The following STK39 variants were observed in gnomAD, a reference collection of about 807,000 sequenced individuals.
STK39 encodes the protein serine/threonine kinase 39, also known as STE20/SPS1-related proline-alanine-rich protein kinase.
Under a neutral mutation model 77.8 loss-of-function variants are expected in STK39, and 20 were observed. That is an observed-to-expected ratio of 0.26 (90% CI 0.18 to 0.37). The LOEUF is 0.37. Among genes scored for constraint, STK39 ranks in the 10% least tolerant of loss-of-function variants. The pLI is 1.00. For synonymous variants in STK39, 246 were observed against 234.1 expected, an observed-to-expected ratio of 1.05 and a Z score of -0.47; for missense variants, 479 against 656.5, an observed-to-expected ratio of 0.73 and a Z score of 2.95.
intron 1 of STK39, among the ~76,000 whole-genome samples, chr2:168,191,629 T>A (rs182205103): frequency 1.3e-5 from 2 of 152,322 alleles, no homozygotes; most frequent in Admixed American, 1.3e-4. Flanking sequence ...TTTAATTAGC[T>A]TCTCCAGCAA....
chr2:167,966,949 T>C (rs1692174828), intron 16 of STK39, among the ~76,000 whole-genome samples: 1 of 152,218 alleles, frequency 6.6e-6, no homozygotes, highest in Admixed American at 6.5e-5. Flanking sequence ...CCAGTAGCAA[T>C]GCTCATTAAA....
chr2:168,235,743 T>C (rs1690587435), intron 1 of STK39, among the ~76,000 whole-genome samples: 1 of 151,862 alleles, frequency 6.6e-6, no homozygotes, highest in Non-Finnish European at 1.5e-5. Flanking sequence ...CTGAGAATGA[T>C]GGTTTCCAGC....
chr2:168,162,308 A>T (rs28377341), intron 4 of STK39, among the ~76,000 whole-genome samples: 15,610 of 146,264 alleles, frequency 0.11, 1,806 homozygotes, highest in East Asian at 0.32. Context: ...AAAAAAAAAA[A>T]AAAAGGTATA....
intron 14 of STK39, among the ~76,000 whole-genome samples, chr2:168,022,597 T>C (rs1169943026): frequency 1.3e-5 from 2 of 152,270 alleles, no homozygotes; most frequent in African/African-American, 4.8e-5. Context: ...TCCATAGTTT[T>C]AATTGTTGAT....
At chr2:168,017,213 G>A in intron 14 of STK39, 118 bp from the exon 15 acceptor site, 1 of 521,052 alleles carries the variant, frequency 1.9e-6, no homozygotes, top group Non-Finnish European at 3.2e-6. Flanking sequence ...ACAGTTTGAG[G>A]TTACCTCCAA....
At chr2:167,964,086 A>C (rs552240857) in intron 17 of STK39, among the ~76,000 whole-genome samples, 7 of 152,326 alleles carry the variant, frequency 4.6e-5, no homozygotes, top group African/African-American at 1.7e-4. Context: ...CTCTGTGGCC[A>C]CCTAGTACTT....
intron 2 of STK39, among the ~76,000 whole-genome samples, chr2:168,168,856 G>C (rs900665783): frequency 1.3e-5 from 2 of 152,092 alleles, no homozygotes; most frequent in Admixed American, 6.5e-5. Flanking sequence ...GGTGGTGTGC[G>C]CCTGTAGTCC....
At chr2:168,244,989 A>G (rs754479579) in intron 1 of STK39, among the ~76,000 whole-genome samples, 5 of 152,224 alleles carry the variant, frequency 3.3e-5, no homozygotes, top group Non-Finnish European at 5.9e-5. Context: ...TAGTTCACAA[A>G]AAAATACTGT....
At chr2:168,076,231 C>T (rs548023546) in intron 10 of STK39, among the ~76,000 whole-genome samples, 1 of 152,128 alleles carries the variant, frequency 6.6e-6, no homozygotes, top group Non-Finnish European at 1.5e-5. Flanking sequence ...AGGCCCAGAA[C>T]GTGACCCAAG....
intron 2 of STK39, among the ~76,000 whole-genome samples, chr2:168,178,039 C>T (rs1217194149): frequency 6.6e-6 from 1 of 152,180 alleles, no homozygotes; most frequent in Non-Finnish European, 1.5e-5. Context: ...TCTGTTTTCC[C>T]ATCACCAAAG....
At position 167,987,913 on chromosome 2, in the gene STK39, A is replaced by G. The variant is rs149188539; in HGVS notation, c.1499-23187T>C. Among the ~76,000 whole-genome samples, 310 of 152,346 alleles carry G rather than the reference A, an allele frequency of 2.0e-3. 1 individual carries two copies. The highest frequency in any genetic ancestry group is 7.2e-3 in the African/African-American group (298 of 41,588). ...GGTAACATATTTACTGAGATTTACT[A>G]TGCAATTTATGTATCAAATTTTAAT... On this transcript the variant is annotated intron_variant, in intron 16 of 17. Transcript: ENST00000355999.
chr2:168,073,446 T>C (rs991213002), intron 12 of STK39, among the ~76,000 whole-genome samples: 4 of 152,128 alleles, frequency 2.6e-5, no homozygotes, highest in African/African-American at 4.8e-5. Context: ...CTCTTAGAAA[T>C]AGCAGAAAAG....
At chr2:168,002,870 T>C (rs1684036873) in intron 16 of STK39, among the ~76,000 whole-genome samples, 1 of 152,230 alleles carries the variant, frequency 6.6e-6, no homozygotes, top group South Asian at 2.1e-4. Context: ...TCACTGCACA[T>C]TCATTTGGGC....
At chr2:168,215,637 G>A (rs1322231985) in intron 1 of STK39, among the ~76,000 whole-genome samples, 2 of 152,080 alleles carry the variant, frequency 1.3e-5, no homozygotes. Context: ...AAACTAAAAG[G>A]CTGCCCTTTC....
intron 2 of STK39, among the ~76,000 whole-genome samples, chr2:168,168,257 A>G (rs1688737383): frequency 6.6e-6 from 1 of 152,158 alleles, no homozygotes; most frequent in South Asian, 2.1e-4. Context: ...AACAAAAGGA[A>G]ACTTTCAATA....
intron 12 of STK39, among the ~76,000 whole-genome samples, chr2:168,069,061 T>C (rs891984298): frequency 6.6e-6 from 1 of 152,128 alleles, no homozygotes; most frequent in South Asian, 2.1e-4. Context: ...GGATTACAGA[T>C]GCACACCACC....
chr2:168,163,345 C>T (rs2105589007), intron 4 of STK39, among the ~76,000 whole-genome samples: 2 of 152,284 alleles, frequency 1.3e-5, no homozygotes, highest in East Asian at 3.9e-4. Context: ...CTGTCTAGTT[C>T]AACTAGTATA....
chr2:168,135,757 A>C (rs908891525), intron 8 of STK39, among the ~76,000 whole-genome samples: 3 of 152,162 alleles, frequency 2.0e-5, no homozygotes, highest in South Asian at 2.1e-4. Flanking sequence ...GTGTCTTTTC[A>C]TTATAAGAAA....
intron 10 of STK39, among the ~76,000 whole-genome samples, chr2:168,116,842 T>C (rs1559105100): frequency 6.6e-6 from 1 of 152,224 alleles, no homozygotes; most frequent in Non-Finnish European, 1.5e-5. Flanking sequence ...AGGATCATGA[T>C]ATAAAAAGTT....
Sources: gnomAD v4.1 joint callset for allele counts (sites outside exome capture counted in the v4.1 genomes callset) on GRCh38, gnomAD v4.1.1 for gene constraint, MANE v1.5 for transcripts, NCBI Gene and HGNC (gene_info 2026-07-23, HGNC 2026-07-21) for gene names.